The following CLYBL variants were observed in gnomAD, a reference collection of about 807,000 sequenced individuals.
CLYBL encodes citramalyl-CoA lyase, also known as citramalyl-CoA lyase, mitochondrial.
A neutral mutation model predicts 38.9 loss-of-function variants in CLYBL; 31 were observed. The ratio of observed to expected loss-of-function variants is 0.80; its 90% CI spans 0.60 to 1.08. The LOEUF is 1.08. CLYBL is among the 50% of genes least tolerant of loss of function. The pLI is 0.00. For missense variants in CLYBL, 434 were observed against 411.6 expected, an observed-to-expected ratio of 1.05 and a Z score of -0.47; for synonymous variants, 171 against 158.6, an observed-to-expected ratio of 1.08 and a Z score of -0.59.
chr13:99,637,900 A>C (rs927130183), intron 1 of CLYBL, among the ~76,000 whole-genome samples: 1 of 151,812 alleles, frequency 6.6e-6, no homozygotes, highest in Non-Finnish European at 1.5e-5. Flanking sequence ...CAGATGCATT[A>C]ATTTGCATAC....
At chr13:99,892,781 T>C (rs190105127), downstream of CLYBL, 2 of 152,380 alleles carry the variant, frequency 1.3e-5, no homozygotes, top group African/African-American at 4.8e-5. Context: ...TTATTTCCTC[T>C]GCGGCCCCTA....
At chr13:99,812,895 C>A (rs770849528) in intron 2 of CLYBL, among the ~76,000 whole-genome samples, 16 of 152,160 alleles carry the variant, frequency 1.1e-4, no homozygotes, top group Non-Finnish European at 1.8e-4. Flanking sequence ...TCACATACTG[C>A]TGAAATTGAT....
At position 99,614,773 on chromosome 13, in the gene CLYBL, G is replaced by C. The variant is rs183500080; in HGVS notation, c.62+8016G>C. ...TTCTGTGGGAGAGGCCAAGGAGTCA[G>C]GGGGGGAGGCCGGGACCTGAAGATC... On this transcript the variant is annotated intron_variant, in intron 1 of 8. Transcript: ENST00000339105. Among the ~76,000 whole-genome samples the C allele has an allele frequency of 1.7e-3, 203 of 118,702 alleles. 3 individuals are homozygous for C. In the East Asian group the frequency reaches 0.035, roughly 20 times the overall value. The allele number at this position is 118,702 out of a possible 152,430, so 77.9% of individuals were successfully genotyped here. A position where few individuals can be genotyped will look rare whatever the true frequency, so the allele number is the denominator to read the frequency against.
chr13:99,753,441 G>C (rs1303535149), intron 1 of CLYBL, among the ~76,000 whole-genome samples: 108 of 152,334 alleles, frequency 7.1e-4, no homozygotes, highest in African/African-American at 2.5e-3. Context: ...GAAAGATACA[G>C]TGCAGAGGTG....
intron 2 of CLYBL, among the ~76,000 whole-genome samples, chr13:99,835,403 G>A (rs1039970481): frequency 1.1e-4 from 17 of 152,144 alleles, no homozygotes; most frequent in Non-Finnish European, 2.2e-4. Context: ...GGCTGATGCC[G>A]GCTCACCCTA....
chr13:99,902,424 G>C (rs1295651173), intron 8 of CLYBL, among the ~76,000 whole-genome samples: 1 of 152,110 alleles, frequency 6.6e-6, no homozygotes. Flanking sequence ...AAAATAAATA[G>C]CCAATGAATG....
chr13:99,706,261 T>C (rs988645438), intron 1 of CLYBL, among the ~76,000 whole-genome samples: 13 of 152,094 alleles, frequency 8.5e-5, no homozygotes, highest in African/African-American at 2.9e-4. Flanking sequence ...AGCAACATAA[T>C]AAAGACAAAG....
intron 9 of CLYBL, among the ~76,000 whole-genome samples, chr13:99,906,477 C>T (rs1456937553): frequency 5.3e-5 from 8 of 151,602 alleles, no homozygotes; most frequent in African/African-American, 2.4e-5. Flanking sequence ...GCTCGGTCAC[C>T]CAGTGGCGCG....
intron 1 of CLYBL, among the ~76,000 whole-genome samples, chr13:99,627,747 A>C (rs944511084): frequency 3.3e-5 from 5 of 152,212 alleles, no homozygotes; most frequent in Non-Finnish European, 5.9e-5. Context: ...CACTTTTGAA[A>C]ATTGAAAAAT....
chr13:99,875,676 G>A (rs1326761203), intron 7 of CLYBL, among the ~76,000 whole-genome samples: 3 of 152,126 alleles, frequency 2.0e-5, no homozygotes, highest in African/African-American at 7.2e-5. Flanking sequence ...TGTTGTCTTT[G>A]TCAACTGAAA....
intron 1 of CLYBL, among the ~76,000 whole-genome samples, chr13:99,637,102 A>G (rs1415934270): frequency 6.6e-6 from 1 of 151,926 alleles, no homozygotes; most frequent in South Asian, 2.1e-4. Flanking sequence ...CTGGTCTTGA[A>G]CCCCTGGTCT....
At chr13:99,794,146 C>G (rs141842115) in intron 2 of CLYBL, among the ~76,000 whole-genome samples, 8 of 152,154 alleles carry the variant, frequency 5.3e-5, no homozygotes, top group Non-Finnish European at 8.8e-5. Flanking sequence ...TGTGGCCAGG[C>G]GCCGTGGCTC....
intron 2 of CLYBL, among the ~76,000 whole-genome samples, chr13:99,822,092 C>G (rs2050599362): frequency 6.6e-6 from 1 of 152,182 alleles, no homozygotes; most frequent in Non-Finnish European, 1.5e-5. Context: ...GATCATCCAG[C>G]CCTAGTCAAG....
intron 1 of CLYBL, among the ~76,000 whole-genome samples, chr13:99,715,216 C>T (rs2048293939): frequency 6.6e-6 from 1 of 152,092 alleles, no homozygotes; most frequent in African/African-American, 2.4e-5. Flanking sequence ...GGGGAATTCT[C>T]ATTATTCCAT....
chr13:99,747,017 C>T (rs2048862648), intron 1 of CLYBL, among the ~76,000 whole-genome samples: 2 of 152,166 alleles, frequency 1.3e-5, no homozygotes, highest in African/African-American at 4.8e-5. Context: ...CTCTTGACCT[C>T]GGAGTCACGG....
At position 99,871,048 on chromosome 13, in the gene CLYBL, C is replaced by G; in HGVS notation, c.913C>G (p.Gln305Glu). ...ACTGATTGCTGCCTTTAAAGAACAT[C>G]AACAATTAGGAAAGGTAAATGTTTT... ...EELIAAFKEH[Q>E]QLGKGAFTFQ... Residue 305 changes from glutamine (Q) to glutamate (E), a missense_variant, in exon 7 of 9, where the codon CAA (glutamine) becomes GAA (glutamate). Physicochemically the swap from Gln to Glu is conservative, Grantham distance 29 (BLOSUM62 2). Transcript: ENST00000339105. 1 of 1,613,870 alleles carries G rather than the reference C, an allele frequency of 6.2e-7. No homozygotes were observed. Among genetic ancestry groups the G allele is most frequent in the South Asian group, 1.1e-5 (1 of 91,074 alleles).
chr13:99,607,737 CTTTA>C (rs934999026), intron 1 of CLYBL, among the ~76,000 whole-genome samples: 26 of 152,090 alleles, frequency 1.7e-4, no homozygotes, highest in Non-Finnish European at 2.6e-4. Flanking sequence ...TCTGGAACTT[CTTTA>C]TTTATTTATT....
At chr13:99,776,651 C>T (rs115548191) in intron 2 of CLYBL, among the ~76,000 whole-genome samples, 2,542 of 151,912 alleles carry the variant, frequency 0.017, 78 homozygotes, top group African/African-American at 0.057. Context: ...TTGACATGCA[C>T]ATCATATGAA....
intron 2 of CLYBL, among the ~76,000 whole-genome samples, chr13:99,788,641 G>C (rs1310205508): frequency 6.6e-6 from 1 of 152,134 alleles, no homozygotes. Context: ...TGTTCATCAG[G>C]GATTTTGGTC....
Sources: gnomAD v4.1 joint callset for allele counts (sites outside exome capture counted in the v4.1 genomes callset) on GRCh38, gnomAD v4.1.1 for gene constraint, MANE v1.5 for transcripts, NCBI Gene and HGNC (gene_info 2026-07-23, HGNC 2026-07-21) for gene names.